BTN3A2: variants seen among roughly 807,000 people sequenced by gnomAD.
BTN3A2 encodes butyrophilin subfamily 3 member A2, also known as butyrophilin protein.
In BTN3A2, 25 loss-of-function variants were observed where a neutral mutation model predicts 37.6. That is an observed-to-expected ratio of 0.66 (90% CI 0.48 to 0.93). The LOEUF is 0.93. Ranked by LOEUF, BTN3A2 falls within the 40% of genes least tolerant of loss-of-function variation. The pLI is 0.00. For missense variants in BTN3A2, 266 were observed against 410.9 expected (o/e 0.65, Z 3.05); for synonymous variants, 122 against 159.4 (o/e 0.77, Z 1.77).
chr6:26,368,576 G>T lies in BTN3A2; in HGVS notation c.97G>T (p.Val33Leu). ...CCTTGTGCTGACAGCTCAGTTTTCT[G>T]TGCTTGGACCCTCTGGGCCCATCCT... The part of the protein sequence containing the change: ...LLTPCSAQFS[V>L]LGPSGPILAM... Residue 33 changes from valine (V) to leucine (L), a missense_variant, in exon 4 of 11, where the codon GTG (valine) becomes TTG (leucine). Around this residue, in one of 3 missense-constraint regions of BTN3A2, gnomAD observed 47 missense variants for 77.3 expected, o/e 0.61. Transcript: ENST00000377708. 6.2e-7 allele frequency: 1 copy of T among 1,613,950 alleles called. No homozygotes were observed. The highest frequency in any genetic ancestry group is 8.5e-7 in the Non-Finnish European group (1 of 1,179,850).
In BTN3A2 at chr6:26,376,978, A is replaced by G. The variant is rs1168381703; in HGVS notation, c.*1216A>G. The G allele has an allele frequency of 6.5e-7, 1 of 1,536,374 alleles. No homozygotes were observed. Among genetic ancestry groups the G allele is most frequent in the Non-Finnish European group, 9.0e-7 (1 of 1,110,474 alleles). On this transcript the variant is annotated 3_prime_UTR_variant, in exon 11 of 11. Transcript: ENST00000377708. ...TATGAGACTGGACATATCTCGTTCT[A>G]CAATGCCACGGATGGATCTCATATC... is the stretch of plus-strand genomic sequence containing the variant.
In BTN3A2 at chr6:26,377,048, A is replaced by T. The variant is rs1021179097; in HGVS notation, c.*1286A>T. ...CTTCCTCTGAGCCTCTGTATCCTGT[A>T]TTCAGAATTTTGACCTTGGAGCCCA... On this transcript the variant is annotated 3_prime_UTR_variant, in exon 11 of 11. Coordinates refer to ENST00000377708, the MANE Select transcript of BTN3A2 (RefSeq NM_007047.5). The T allele has an allele frequency of 6.5e-6, 9 of 1,392,480 alleles. No individual in the cohort carries two copies. In the East Asian group the frequency reaches 1.4e-4, roughly 21 times the overall value. The allele number at this position is 1,392,480 out of a possible 1,614,324, so 86.3% of individuals were successfully genotyped here.
intron 4 of BTN3A2, among the ~76,000 whole-genome samples, chr6:26,369,814 C>T (rs537048346): frequency 2.0e-5 from 3 of 152,300 alleles, no homozygotes; most frequent in African/African-American, 7.2e-5. Flanking sequence ...CAGGATGACA[C>T]AGAGACCCGG....
At chr6:26,373,171 A>G in intron 6 of BTN3A2, 74 bp downstream of exon 6, 1 of 1,596,068 alleles carries the variant, frequency 6.3e-7, no homozygotes, top group Admixed American at 1.7e-5. Context: ...TCTCTCCCCT[A>G]CCCTGGCACT....
chr6:26,376,521 A>G lies in BTN3A2; in HGVS notation c.*759A>G. 2.3e-6 allele frequency: 3 copies of G among 1,315,786 alleles called. No homozygotes were observed. The East Asian group carries it at 7.8e-5, about 34-fold the overall frequency. 81.5% of individuals were successfully genotyped at this position (1,315,786 alleles called of 1,614,324 possible). ...CCAAGCCTTGCATGCTGTGGCTCTT[A>G]AATCCAGGAAAAATGGCTGACCCCA... On this transcript the variant is annotated 3_prime_UTR_variant, in exon 11 of 11. Coordinates refer to ENST00000377708, the MANE Select transcript of BTN3A2 (RefSeq NM_007047.5).
chr6:26,377,270 AC>A lies in BTN3A2; in HGVS notation c.*1510del. ...TCACCCTCCACAACAGCCAGTCAGA[AC>A]CATAAAGCTACAGGCACACACTGAA... On this transcript the variant is annotated 3_prime_UTR_variant, in exon 11 of 11. Coordinates refer to ENST00000377708, the MANE Select transcript of BTN3A2 (RefSeq NM_007047.5). 1 of 789,038 alleles carries A rather than the reference AC, an allele frequency of 1.3e-6. No homozygotes were observed. The highest frequency in any genetic ancestry group is 2.2e-6 in the Non-Finnish European group (1 of 454,348). 48.9% of individuals were successfully genotyped at this position (789,038 alleles called of 1,614,324 possible).
chr6:26,366,991 G>A (rs183799895), intron 1 of BTN3A2, among the ~76,000 whole-genome samples: 135 of 152,260 alleles, frequency 8.9e-4, no homozygotes, highest in African/African-American at 1.8e-3. Flanking sequence ...AGGCCAAAGC[G>A]TCCTTTCACT....
At chr6:26,374,529 T>A in intron 9 of BTN3A2, 156 bp downstream of exon 9, 3 of 905,540 alleles carry the variant, frequency 3.3e-6, no homozygotes, top group Non-Finnish European at 5.2e-6. Context: ...GAGAAACTCC[T>A]GATCCTGCAC....
At chr6:26,372,458 A>C (rs1333115954) in intron 5 of BTN3A2, among the ~76,000 whole-genome samples, 1 of 152,200 alleles carries the variant, frequency 6.6e-6, no homozygotes, top group Non-Finnish European at 1.5e-5. Flanking sequence ...TGGGGGAGCC[A>C]GCATTGAAAC....
Position 26,376,003 on chromosome 6 carries a change from A to G in BTN3A2, c.*241A>G. On this transcript the variant is annotated 3_prime_UTR_variant, in exon 11 of 11. Transcript: ENST00000377708. Reference sequence around the variant, plus strand: ...GGGCGGATCACAAGGTCAGGAGATCAAGACCATCCTGGCTAACACGGTGAA... The same window carrying G: ...GGGCGGATCACAAGGTCAGGAGATCGAGACCATCCTGGCTAACACGGTGAA... 6.9e-6 allele frequency: 5 copies of G among 723,444 alleles called. No individual in the cohort carries two copies. The highest frequency in any genetic ancestry group is 2.1e-5 in the South Asian group (1 of 47,694). 44.8% of individuals were successfully genotyped at this position (723,444 alleles called of 1,614,324 possible).
intron 4 of BTN3A2, among the ~76,000 whole-genome samples, chr6:26,369,211 C>T (rs1759847475): frequency 6.6e-6 from 1 of 152,194 alleles, no homozygotes; most frequent in East Asian, 1.9e-4. Flanking sequence ...GTGACTGGTA[C>T]ACAGTCATTT....
chr6:26,368,782 G>A lies in BTN3A2; in HGVS notation c.303G>A (p.Arg101=). Residue 101 remains arginine, a synonymous_variant, in exon 4 of 11, where the codon CGG becomes CGA. Coordinates refer to ENST00000377708, the MANE Select transcript of BTN3A2 (RefSeq NM_007047.5). ...APYRGRTSIL[R]DGITAGKAAL... ...ATCGAGGGAGAACTTCGATTCTGCG[G>A]GATGGCATCACTGCAGGGAAGGCTG... 1 of 1,611,288 alleles carries A rather than the reference G, an allele frequency of 6.2e-7. No homozygotes were observed. The highest frequency in any genetic ancestry group is 1.1e-5 in the South Asian group (1 of 90,946).
chr6:26,376,232 A>AAAAAAAAAAAAAAAAAAAAAAAAAAG lies in BTN3A2; in HGVS notation c.*474_*475insAAAAAAAAAAAAAAAAAAAAAGAAAA, dbSNP rs1554126684. The AAAAAAAAAAAAAAAAAAAAAAAAAAG allele has an allele frequency of 7.3e-6, 1 of 136,066 alleles. No homozygotes were observed. The highest frequency in any genetic ancestry group is 3.1e-5 in the African/African-American group (1 of 32,132). 8.4% of individuals were successfully genotyped at this position (136,066 alleles called of 1,614,324 possible). ...TGTCTCAAGAAAAAAAAAAAAAAAA[A>AAAAAAAAAAAAAAAAAAAAAAAAAAG]AAAAGAAAAGAAAATTAACCTCTGA... On this transcript the variant is annotated 3_prime_UTR_variant, in exon 11 of 11. Coordinates refer to ENST00000377708, the MANE Select transcript of BTN3A2 (RefSeq NM_007047.5).
intron 10 of BTN3A2, 66 bp downstream of exon 10, chr6:26,374,864 T>C: frequency 6.9e-7 from 1 of 1,446,576 alleles, no homozygotes; most frequent in South Asian, 1.3e-5. Flanking sequence ...TTTCCTTTTT[T>C]CTTCTCCAAC....
At chr6:26,372,019 G>T (rs1760168847) in intron 5 of BTN3A2, among the ~76,000 whole-genome samples, 1 of 152,136 alleles carries the variant, frequency 6.6e-6, no homozygotes, top group Non-Finnish European at 1.5e-5. Flanking sequence ...ATTGCACAAG[G>T]TTAGAAACTG....
chr6:26,365,377 C>A (rs1205243615), intron 1 of BTN3A2, 25 bp downstream of exon 1: 2 of 1,535,796 alleles, frequency 1.3e-6, no homozygotes, highest in Admixed American at 3.9e-5. Flanking sequence ...TTGATTAGAG[C>A]CTGGGCTACA....
chr6:26,374,230 A>ACT, intron 8 of BTN3A2, 97 bp from the exon 9 acceptor site: 4 of 478,178 alleles, frequency 8.4e-6, no homozygotes, highest in African/African-American at 2.3e-5. Flanking sequence ...AAAAAAAAAA[A>ACT]AAAAAAAAAA....
At chr6:26,371,385 A>G (rs1760098115) in intron 5 of BTN3A2, among the ~76,000 whole-genome samples, 2 of 152,366 alleles carry the variant, frequency 1.3e-5, no homozygotes, top group Middle Eastern at 6.8e-3. Context: ...CTCACTGGGT[A>G]AACATATGAA....
chr6:26,376,956 G>A lies in BTN3A2; in HGVS notation c.*1194G>A. ...GAAAGTGGGGGTCATCCTGGACTAT[G>A]AGACTGGACATATCTCGTTCTACAA... On this transcript the variant is annotated 3_prime_UTR_variant, in exon 11 of 11. Coordinates refer to ENST00000377708, the MANE Select transcript of BTN3A2 (RefSeq NM_007047.5). 6.3e-7 allele frequency: 1 copy of A among 1,593,548 alleles called. No individual in the cohort carries two copies. Among genetic ancestry groups the A allele is most frequent in the Non-Finnish European group, 8.6e-7 (1 of 1,161,900 alleles).
Sources: allele counts gnomAD v4.1 joint callset (sites outside exome capture counted in the v4.1 genomes callset), GRCh38; gene constraint gnomAD v4.1.1; regional missense constraint gnomAD v4.1.1; transcripts MANE v1.5; gene names NCBI Gene and HGNC (gene_info 2026-07-23, HGNC 2026-07-21).